Variants in DYNC2I1 observed in about 807,000 individuals in gnomAD.
DYNC2I1 encodes the protein cytoplasmic dynein 2 intermediate chain 1.
Under a neutral mutation model 133.4 loss-of-function variants are expected in DYNC2I1, and 89 were observed. The ratio of observed to expected loss-of-function variants is 0.67; its 90% confidence interval spans 0.56 to 0.80. The LOEUF (loss-of-function observed/expected upper bound fraction) is 0.80, where lower values mean the gene tolerates loss of function less well. DYNC2I1 is among the 30% of genes least tolerant of loss of function. The pLI, the probability that DYNC2I1 is intolerant of heterozygous loss-of-function variation, is 0.00. For missense variants in DYNC2I1, 1,291 were observed against 1,314.5 expected (o/e 0.98, Z 0.28); for synonymous variants, 504 against 484.3 (o/e 1.04, Z -0.54).
chr7:158,877,448 A>T (rs1013764606), intron 4 of DYNC2I1, among the ~76,000 whole-genome samples: 2 of 152,230 alleles, frequency 1.3e-5, no homozygotes, highest in Non-Finnish European at 2.9e-5. Context: ...TTTCCTTATG[A>T]TTAATTTCTG....
At chr7:158,925,946 C>G (rs1849570032) in intron 17 of DYNC2I1, among the ~76,000 whole-genome samples, 1 of 152,156 alleles carries the variant, frequency 6.6e-6, no homozygotes, top group Admixed American at 6.5e-5. Context: ...TCCTGCCTTC[C>G]AGACTGGAGA....
At chr7:158,894,100 T>TGCATATCCTACC (rs1219168332) in intron 8 of DYNC2I1, among the ~76,000 whole-genome samples, 2 of 14,244 alleles carry the variant, frequency 1.4e-4, no homozygotes, top group East Asian at 1.6e-3. Flanking sequence ...TATAGCAAAG[T>TGCATATCCTACC]GCATATCCTA....
In DYNC2I1 at chr7:158,906,007, C is replaced by A; in HGVS notation, c.1376C>A (p.Ser459Tyr). The change falls in exon 11 of 25, where the codon TCC becomes TAC. Residue 459 changes from serine (S) to tyrosine (Y), a missense_variant. Ser to Tyr is a moderately radical substitution (Grantham distance 144). Transcript: ENST00000407559. ...CACACAGATACAAACAGTTCCCCTTCCAGAGCCTCTGTTTGTGGAATTTTT... is the reference window on the plus strand; with the variant it reads ...CACACAGATACAAACAGTTCCCCTTACAGAGCCTCTGTTTGTGGAATTTTT... The part of the protein sequence containing the change: ...EPRTDTNSSP[S>Y]RASVCGIFVD... 3 of 1,613,822 alleles carry A rather than the reference C, an allele frequency of 1.9e-6. No homozygotes were observed. Among genetic ancestry groups the A allele is most frequent in the Non-Finnish European group, 2.5e-6 (3 of 1,179,814 alleles).
rs1186456518 is a variant in DYNC2I1 at position 158,907,547 on chromosome 7, ATTTCCCTTTCCCTTTTCC to A, written c.1460+1472_1460+1489del. ...CATTGGTTGCCTTCCCTCCCTTTCC[ATTTCCCTTTCCCTTTTCC>A]TTTCCCTTTCCCTTTCCGTTCCCTT... On this transcript the variant is annotated intron_variant, in intron 11 of 24. Transcript: ENST00000407559. Among the ~76,000 whole-genome samples, 9 of 150,712 alleles carry A rather than the reference ATTTCCCTTTCCCTTTTCC, an allele frequency of 6.0e-5. 1 individual carries two copies. The South Asian group carries it at 1.7e-3, about 28-fold the overall frequency.
chr7:158,886,558 A>G (rs984837264), intron 6 of DYNC2I1, among the ~76,000 whole-genome samples: 1 of 152,250 alleles, frequency 6.6e-6, no homozygotes, highest in African/African-American at 2.4e-5. Flanking sequence ...AGACTTTAAC[A>G]TTTATTGCTC....
Position 158,887,012 on chromosome 7 carries a change from G to T in DYNC2I1, c.936-9G>T. The T allele has an allele frequency of 1.2e-6, 2 of 1,613,486 alleles. No individual in the cohort carries two copies. Among genetic ancestry groups the T allele is most frequent in the Non-Finnish European group, 1.7e-6 (2 of 1,179,560 alleles). ...GTAAGTTTTGATTTTGATTATGTTT[G>T]CTTTCCAGGCATGCTGAGAATTTAG... On this transcript the variant is annotated splice_polypyrimidine_tract_variant and intron_variant, in intron 6 of 24. Coordinates refer to ENST00000407559, the MANE Select transcript of DYNC2I1 (RefSeq NM_018051.5).
At chr7:158,879,580 C>T in intron 4 of DYNC2I1, 104 bp from the exon 5 acceptor site, 5 of 1,211,296 alleles carry the variant, frequency 4.1e-6, no homozygotes, top group Non-Finnish European at 5.6e-6. Flanking sequence ...TGTTTTTGAT[C>T]CGTGGTTGGT....
chr7:158,863,111 CTGGCTG>C (rs1024081625), intron 1 of DYNC2I1, among the ~76,000 whole-genome samples: 5 of 91,490 alleles, frequency 5.5e-5, no homozygotes, highest in Non-Finnish European at 1.1e-4. Flanking sequence ...GTTGCCACTG[CTGGCTG>C]GGGGTGGGGG....
intron 23 of DYNC2I1, among the ~76,000 whole-genome samples, chr7:158,938,317 A>G (rs1850972275): frequency 6.6e-6 from 1 of 152,238 alleles, no homozygotes; most frequent in Non-Finnish European, 1.5e-5. Flanking sequence ...GTAGAGTGAC[A>G]TTTTCAAAGT....
At chr7:158,928,328 A>C (rs887820330) in intron 20 of DYNC2I1, among the ~76,000 whole-genome samples, 3 of 149,612 alleles carry the variant, frequency 2.0e-5, no homozygotes, top group African/African-American at 7.4e-5. Context: ...GTAATGACAA[A>C]CCCCCCTTTC....
intron 4 of DYNC2I1, among the ~76,000 whole-genome samples, chr7:158,953,753 T>G (rs1852121682): frequency 6.6e-6 from 1 of 152,140 alleles, no homozygotes; most frequent in African/African-American, 2.4e-5. Flanking sequence ...ATGTTACATA[T>G]ATGTGTAATA....
intron 8 of DYNC2I1, among the ~76,000 whole-genome samples, chr7:158,892,811 C>T (rs941783554): frequency 3.3e-5 from 5 of 151,742 alleles, no homozygotes; most frequent in Admixed American, 1.3e-4. Context: ...TGTGGTGGCG[C>T]GTGCCTGTAA....
At chr7:158,942,578 C>T (rs908777318) in intron 24 of DYNC2I1, among the ~76,000 whole-genome samples, 2 of 152,232 alleles carry the variant, frequency 1.3e-5, no homozygotes, top group Admixed American at 6.5e-5. Context: ...CGGTATTTCC[C>T]CATCATTAGT....
downstream of DYNC2I1, among the ~76,000 whole-genome samples, chr7:158,949,762 C>T (rs992095777): frequency 2.9e-5 from 4 of 139,440 alleles, no homozygotes; most frequent in African/African-American, 1.1e-4. Flanking sequence ...AAGGAAATAC[C>T]TTTCATTTTT....
chr7:158,847,376 TTAAA>T, the DYNC2I1 span, among the ~76,000 whole-genome samples: 1 of 152,162 alleles, frequency 6.6e-6, no homozygotes, highest in African/African-American at 2.4e-5. Context: ...CTCTTAAACC[TTAAA>T]CTCTTTAGCA....
rs750193301 is a variant in DYNC2I1 at position 158,945,781 on chromosome 7, G to T, written c.*2G>T. The T allele has an allele frequency of 7.8e-6, 12 of 1,542,708 alleles. No individual in the cohort carries two copies. Among genetic ancestry groups the T allele is most frequent in the South Asian group, 1.3e-5 (1 of 79,780 alleles). Reference sequence around the variant, plus strand: ...CCAGAGGGAAAACTGCACAAGTAGCGGGTGTGGCTGAGAGGACCGCGTTTC... The same window carrying T: ...CCAGAGGGAAAACTGCACAAGTAGCTGGTGTGGCTGAGAGGACCGCGTTTC... On this transcript the variant is annotated 3_prime_UTR_variant, in exon 25 of 25. Transcript: ENST00000407559. This position sits in a 1 kb window ranked among gnomAD's most constrained non-coding sequence, Gnocchi z 4.1.
chr7:158,932,358 T>C (rs1342863694), intron 21 of DYNC2I1, among the ~76,000 whole-genome samples: 1 of 151,988 alleles, frequency 6.6e-6, no homozygotes, highest in African/African-American at 2.4e-5. Flanking sequence ...AGTTAGATGG[T>C]CAGAGGGAGC....
chr7:158,887,358 A>C (rs1484276108), intron 7 of DYNC2I1, among the ~76,000 whole-genome samples: 1 of 152,204 alleles, frequency 6.6e-6, no homozygotes, highest in Non-Finnish European at 1.5e-5. Flanking sequence ...TTGAGACAGA[A>C]AGTGTTACTA....
chr7:158,891,233 C>T, intron 7 of DYNC2I1, 32 bp from the exon 8 acceptor site: 11 of 1,613,472 alleles, frequency 6.8e-6, no homozygotes, highest in Non-Finnish European at 9.3e-6. Flanking sequence ...CCACCTGTGT[C>T]CTGGCTGATG....
Sources: allele counts gnomAD v4.1 joint callset (sites outside exome capture counted in the v4.1 genomes callset), GRCh38; gene constraint gnomAD v4.1.1; non-coding constraint Gnocchi (gnomAD v3.1); transcripts MANE v1.5; gene names NCBI Gene and HGNC (gene_info 2026-07-23, HGNC 2026-07-21).